Variants in CDIN1 observed in about 807,000 individuals in gnomAD.
CDIN1 encodes CDAN1-interacting nuclease 1.
In CDIN1, 33 loss-of-function variants were observed where a neutral mutation model predicts 45.3. That is an observed-to-expected ratio of 0.73 (90% CI 0.55 to 0.97). The LOEUF (loss-of-function observed/expected upper bound fraction) is 0.97. CDIN1 is among the 50% of genes least tolerant of loss of function. The pLI is 0.00. For synonymous variants in CDIN1, 118 were observed against 124.4 expected, an observed-to-expected ratio of 0.95 and a Z score of 0.34; for missense variants, 303 against 339.4, an observed-to-expected ratio of 0.89 and a Z score of 0.84.
In CDIN1 at chr15:36,682,867, G is replaced by T. The variant is rs189663885; in HGVS notation, c.347-8818G>T. Among the ~76,000 whole-genome samples the T allele has an allele frequency of 1.4e-3, 212 of 151,624 alleles. 1 individual carries two copies. Among genetic ancestry groups the T allele is most frequent in the African/African-American group, 4.7e-3 (195 of 41,344 alleles). On this transcript the variant is annotated intron_variant, in intron 5 of 10. Coordinates refer to ENST00000566621, the MANE Select transcript of CDIN1 (RefSeq NM_001321759.2). ...AAGTTGACACATAAAATTTAACACC[G>T]TAGAGACTAATTGGGAAATTGTATT... is the stretch of plus-strand genomic sequence containing the variant.
At chr15:36,718,242 A>G (rs1292207158) in intron 10 of CDIN1, among the ~76,000 whole-genome samples, 1 of 152,080 alleles carries the variant, frequency 6.6e-6, no homozygotes, top group Non-Finnish European at 1.5e-5. Context: ...GTCTATACCA[A>G]TTCAACACTG....
chr15:36,686,830 CAGGG>C (rs1289909598), intron 5 of CDIN1, among the ~76,000 whole-genome samples: 3 of 84,700 alleles, frequency 3.5e-5, no homozygotes, highest in East Asian at 8.7e-4. Context: ...GAGAGGTAGT[CAGGG>C]AGGGAGAGAG....
chr15:36,584,567 T>G (rs1325231178), intron 1 of CDIN1, among the ~76,000 whole-genome samples: 1 of 152,268 alleles, frequency 6.6e-6, no homozygotes, highest in African/African-American at 2.4e-5. Flanking sequence ...CAGTAATTTG[T>G]ATTCATTCAT....
At chr15:36,782,829 A>G (rs2054386516) in intron 10 of CDIN1, among the ~76,000 whole-genome samples, 1 of 152,230 alleles carries the variant, frequency 6.6e-6, no homozygotes, top group South Asian at 2.1e-4. Context: ...AAAAGAAGAT[A>G]AAACTTGCTT....
At chr15:36,804,863 C>A (rs1032276775) in intron 10 of CDIN1, among the ~76,000 whole-genome samples, 1 of 151,212 alleles carries the variant, frequency 6.6e-6, no homozygotes, top group Non-Finnish European at 1.5e-5. Flanking sequence ...TTAGTGGAGA[C>A]GGGGTTTCAC....
chr15:36,801,415 A>G (rs952479871), intron 10 of CDIN1, among the ~76,000 whole-genome samples: 2 of 152,198 alleles, frequency 1.3e-5, no homozygotes, highest in Non-Finnish European at 2.9e-5. Flanking sequence ...TGGCACAAAC[A>G]TAAGATGCAT....
In CDIN1 at chr15:36,692,188, A is replaced by T. The variant is rs747502612; in HGVS notation, c.476+13A>T. On this transcript the variant is annotated intron_variant, in intron 7 of 10. Transcript: ENST00000566621. ...ACTGCATCAAGCAGTATCCTTTCCC[A>T]TAAAATTTTAGGTGCGCAATTGACG... The T allele has an allele frequency of 3.1e-6, 5 of 1,612,904 alleles. No individual in the cohort carries two copies. The Admixed American group carries it at 8.3e-5, about 27-fold the overall frequency.
chr15:36,673,379 G>T (rs2041522768), intron 5 of CDIN1, among the ~76,000 whole-genome samples: 1 of 152,062 alleles, frequency 6.6e-6, no homozygotes, highest in Non-Finnish European at 1.5e-5. Flanking sequence ...TGATATATGA[G>T]CATCTTTGCA....
chr15:36,751,229 T>TTATATATATATATATATATATATATATA (rs10557235), intron 10 of CDIN1, among the ~76,000 whole-genome samples: 11 of 97,566 alleles, frequency 1.1e-4, no homozygotes, highest in South Asian at 8.1e-4. Context: ...TATGCTTATT[T>TTATATATATATATATATATATATATATA]TATATATATA....
At chr15:36,636,675 T>C (rs1484022662) in intron 1 of CDIN1, among the ~76,000 whole-genome samples, 2 of 152,224 alleles carry the variant, frequency 1.3e-5, no homozygotes, top group African/African-American at 4.8e-5. Flanking sequence ...TATGCAACAG[T>C]AGCAGTGTCT....
chr15:36,598,014 C>T (rs749501107), intron 1 of CDIN1, among the ~76,000 whole-genome samples: 14 of 152,070 alleles, frequency 9.2e-5, no homozygotes, highest in Admixed American at 1.3e-4. Flanking sequence ...CTTTTGAGAC[C>T]GGGTCTCACT....
intron 1 of CDIN1, among the ~76,000 whole-genome samples, chr15:36,624,778 G>A (rs1417110471): frequency 2.6e-5 from 4 of 152,062 alleles, no homozygotes; most frequent in Non-Finnish European, 5.9e-5. Flanking sequence ...TAATATAACT[G>A]AGAATTTATT....
chr15:36,678,526 C>G (rs2041731089), intron 5 of CDIN1, among the ~76,000 whole-genome samples: 2 of 152,258 alleles, frequency 1.3e-5, no homozygotes, highest in South Asian at 4.1e-4. Context: ...GTTGCAGAGT[C>G]TGTTTGTGTG....
chr15:36,681,890 T>C (rs2041862170), intron 5 of CDIN1, among the ~76,000 whole-genome samples: 1 of 152,102 alleles, frequency 6.6e-6, no homozygotes, highest in Non-Finnish European at 1.5e-5. Flanking sequence ...AAAGAACTAA[T>C]AAATGAAATG....
At chr15:36,668,302 T>C (rs908504409) in intron 5 of CDIN1, 4 of 152,194 alleles carry the variant, frequency 2.6e-5, no homozygotes, top group Non-Finnish European at 5.9e-5. Context: ...GTAGCTAACA[T>C]GTAAAACATT....
Position 36,810,067 on chromosome 15 carries a change from CAAAAATGTTAA to C in CDIN1, c.*1617_*1627del, listed in dbSNP as rs2055348783. The stretch of plus-strand genomic sequence containing the variant: ...CACACACACACACACACACTTTATA[CAAAAATGTTAA>C]AAGCAGGTTTCCTGGCATGTTCTAA... On this transcript the variant is annotated 3_prime_UTR_variant, in exon 11 of 11. Coordinates refer to ENST00000566621, the MANE Select transcript of CDIN1 (RefSeq NM_001321759.2). The C allele has an allele frequency of 6.6e-6, 1 of 151,426 alleles. No individual in the cohort carries two copies. Among genetic ancestry groups the C allele is most frequent in the African/African-American group, 2.4e-5 (1 of 41,234 alleles). The allele number at this position is 151,426 out of a possible 1,614,324, so 9.4% of individuals were successfully genotyped here.
intron 10 of CDIN1, among the ~76,000 whole-genome samples, chr15:36,792,613 G>C (rs1051624434): frequency 6.7e-6 from 1 of 149,012 alleles, no homozygotes. Context: ...GGCTGGGGGG[G>C]AGGGTGGATT....
chr15:36,622,876 C>A (rs563770862), intron 1 of CDIN1, among the ~76,000 whole-genome samples: 20 of 152,294 alleles, frequency 1.3e-4, no homozygotes, highest in Middle Eastern at 3.4e-3. Flanking sequence ...TTCTGGCTTC[C>A]TCTGGTCTGG....
intron 1 of CDIN1, among the ~76,000 whole-genome samples, chr15:36,601,269 C>T (rs1203795745): frequency 6.6e-6 from 1 of 152,086 alleles, no homozygotes; most frequent in African/African-American, 2.4e-5. Context: ...GAAAAGGGAC[C>T]TTTATGTGAA....
Sources: allele counts gnomAD v4.1 joint callset (sites outside exome capture counted in the v4.1 genomes callset), GRCh38; gene constraint gnomAD v4.1.1; transcripts MANE v1.5; gene names NCBI Gene and HGNC (gene_info 2026-07-23, HGNC 2026-07-21).